Variants in SAMD14 observed in about 807,000 individuals in gnomAD.
The protein encoded by SAMD14 is sterile alpha motif domain-containing protein 14.
Under a neutral mutation model 46.2 loss-of-function variants are expected in SAMD14, and 27 were observed. The ratio of observed to expected loss-of-function variants is 0.58; its 90% CI spans 0.43 to 0.81. The LOEUF is 0.81. Ranked by LOEUF, SAMD14 falls within the 30% of genes least tolerant of loss-of-function variation. The probability of loss-of-function intolerance (pLI) is 0.00; values close to 1 mark genes in which losing one functional copy is unlikely to be tolerated. For synonymous variants in SAMD14, 241 were observed against 254.3 expected, an observed-to-expected ratio of 0.95 and a Z score of 0.50; for missense variants, 559 against 582.2, an observed-to-expected ratio of 0.96 and a Z score of 0.41.
intron 4 of SAMD14, among the ~76,000 whole-genome samples, chr17:50,116,825 C>G (rs1235348298): frequency 6.6e-6 from 1 of 152,158 alleles, no homozygotes; most frequent in East Asian, 1.9e-4. Flanking sequence ...GCACACATTT[C>G]CCAAATAGCA....
At position 50,114,094 on chromosome 17, in the gene SAMD14, A is replaced by G; in HGVS notation, c.943-15T>C. On this transcript the variant is annotated splice_polypyrimidine_tract_variant and intron_variant, in intron 8 of 9. Transcript: ENST00000330175. ...TCATCCAGGAACTGGGCAGAGACCA[A>G]GGAGAGTGAGGGGGAGGCTTGGCCT... 1 of 1,613,750 alleles carries G rather than the reference A, an allele frequency of 6.2e-7. No individual in the cohort carries two copies. The highest frequency in any genetic ancestry group is 8.5e-7 in the Non-Finnish European group (1 of 1,180,008).
At chr17:50,116,854 T>C (rs989934707) in intron 4 of SAMD14, among the ~76,000 whole-genome samples, 12 of 152,154 alleles carry the variant, frequency 7.9e-5, no homozygotes, top group Non-Finnish European at 1.8e-4. Context: ...AGTTTATAAC[T>C]AGACATTTAG....
chr17:50,128,482 T>TCTCTCA (rs550871572), intron 1 of SAMD14, among the ~76,000 whole-genome samples: 119 of 135,898 alleles, frequency 8.8e-4, no homozygotes, highest in African/African-American at 2.8e-3. Context: ...GCACACTCTC[T>TCTCTCA]CACACACACA....
intron 2 of SAMD14, among the ~76,000 whole-genome samples, chr17:50,122,034 G>A (rs953282045): frequency 2.0e-5 from 3 of 152,204 alleles, no homozygotes; most frequent in South Asian, 2.1e-4. Flanking sequence ...TGGTGATGGC[G>A]TCTGTGGGAT....
chr17:50,117,883 A>C, intron 3 of SAMD14, 188 bp from the exon 4 acceptor site: 1 of 671,642 alleles, frequency 1.5e-6, no homozygotes, highest in Middle Eastern at 4.3e-4. Context: ...TGAGTCACAC[A>C]GGCTGGGGCT....
intron 3 of SAMD14, 56 bp from the exon 4 acceptor site, chr17:50,117,751 C>A: frequency 7.3e-7 from 1 of 1,378,594 alleles, no homozygotes. Context: ...CCCGGAGGAG[C>A]TGGGAGACTT....
In SAMD14 at chr17:50,115,782, G is replaced by T. The variant is rs201091841; in HGVS notation, c.662+48C>A. ...CAGAGGGGAGGACCAGAGCACATGGGGAGCCAGGGGCGGGAGCTGTGGGTG... is the reference window on the plus strand; with the variant it reads ...CAGAGGGGAGGACCAGAGCACATGGTGAGCCAGGGGCGGGAGCTGTGGGTG... On this transcript the variant is annotated intron_variant, in intron 6 of 9. Transcript: ENST00000330175. This position sits in a 1 kb window ranked among gnomAD's most constrained non-coding sequence, Gnocchi z 5.3. The T allele has an allele frequency of 9.9e-6, 16 of 1,613,166 alleles. No individual in the cohort carries two copies. Among genetic ancestry groups the T allele is most frequent in the Admixed American group, 8.3e-5 (5 of 60,024 alleles).
At chr17:50,114,509 T>C (rs991565122) in intron 7 of SAMD14, 3 of 1,480,516 alleles carry the variant, frequency 2.0e-6, no homozygotes, top group South Asian at 1.2e-5. Flanking sequence ...CAGGCAGCCA[T>C]CTGGAGGACA....
rs1226203200 is a variant in SAMD14 at position 50,115,713 on chromosome 17, C to T, written c.673G>A (p.Glu225Lys). ...GAGCCCCCTGACCTGCCGGACCCCT[C>T]CACTGACTCCCTGCAGAGAGAGTGT... ...RLSMGSRESV[E>K]GSGRSGGSPF... Residue 225 changes from glutamate to lysine, a missense_variant, in exon 7 of 10, where the codon GAG (glutamate) becomes AAG (lysine). Coordinates refer to ENST00000330175, the MANE Select transcript of SAMD14 (RefSeq NM_001257359.2). The surrounding 1 kb of genome is among the most constrained non-coding windows in gnomAD (Gnocchi z 5.3). 2.5e-6 allele frequency: 4 copies of T among 1,605,778 alleles called. No individual in the cohort carries two copies. Among genetic ancestry groups the T allele is most frequent in the Middle Eastern group, 1.6e-4 (1 of 6,064 alleles).
intron 2 of SAMD14, 146 bp downstream of exon 2, chr17:50,124,771 G>GCGCGCGCACACACACACA (rs71353620): frequency 5.6e-5 from 32 of 569,590 alleles, no homozygotes; most frequent in South Asian, 1.1e-4. Context: ...ACGCGCGCGC[G>GCGCGCGCACACACACACA]CACACACACA....
At position 50,114,195 on chromosome 17, in the gene SAMD14, A is replaced by G; in HGVS notation, c.934T>C (p.Ser312Pro). The change falls in exon 8 of 10, where the codon TCA becomes CCA. Residue 312 changes from serine (S) to proline (P), a missense_variant. By Grantham distance (74) the Ser-to-Pro change is moderately conservative (BLOSUM62 -1). Transcript: ENST00000330175. Reference protein sequence around the residue: ...SYPYHTLSQSSDEFLDEPLPP... With the variant: ...SYPYHTLSQSPDEFLDEPLPP... ...GGGCCAGCCTTGCTCACCTCATCTGAAGACTGAGACAGCGTGTGGTAGGGG... is the reference window on the plus strand; with the variant it reads ...GGGCCAGCCTTGCTCACCTCATCTGGAGACTGAGACAGCGTGTGGTAGGGG... The G allele has an allele frequency of 6.2e-7, 1 of 1,614,134 alleles. No individual in the cohort carries two copies. The highest frequency in any genetic ancestry group is 8.5e-7 in the Non-Finnish European group (1 of 1,180,024).
Position 50,115,958 on chromosome 17 carries a change from C to T in SAMD14, c.587+45G>A, listed in dbSNP as rs973331082. 6.2e-7 allele frequency: 1 copy of T among 1,613,448 alleles called. No homozygotes were observed. ...GGGCTGCCCACTGTGCTACCCCTTA[C>T]CCCAGCAGCTCCAAGCCCTGCGATC... On this transcript the variant is annotated intron_variant, in intron 5 of 9. Transcript: ENST00000330175. This position sits in a 1 kb window ranked among gnomAD's most constrained non-coding sequence, Gnocchi z 5.3.
Position 50,112,707 on chromosome 17 carries a change from G to A in SAMD14, c.*186C>T. Reference sequence around the variant, plus strand: ...GGATTTATTACTAGGCCCTCTCCCTGGGGTCTCCCTTTCTGGGGTCTCTGG... The same window carrying A: ...GGATTTATTACTAGGCCCTCTCCCTAGGGTCTCCCTTTCTGGGGTCTCTGG... On this transcript the variant is annotated 3_prime_UTR_variant, in exon 10 of 10. Coordinates refer to ENST00000330175, the MANE Select transcript of SAMD14 (RefSeq NM_001257359.2). The A allele has an allele frequency of 3.2e-6, 2 of 623,896 alleles. No homozygotes were observed. Among genetic ancestry groups the A allele is most frequent in the Non-Finnish European group, 5.4e-6 (2 of 372,876 alleles). 38.6% of individuals were successfully genotyped at this position (623,896 alleles called of 1,614,324 possible).
In SAMD14 at chr17:50,117,636, C is replaced by T. The variant is rs1198308966; in HGVS notation, c.270G>A (p.Pro90=). 4 of 1,560,638 alleles carry T rather than the reference C, an allele frequency of 2.6e-6. No individual in the cohort carries two copies. Among genetic ancestry groups the T allele is most frequent in the South Asian group, 1.2e-5 (1 of 85,602 alleles). The change falls in exon 4 of 10, where the codon CCG becomes CCA. Residue 90 remains proline (P), a synonymous_variant. Transcript: ENST00000330175. ...HRLRSPLHSG[P]GSPAGGSFCL... is the part of the protein sequence containing the mutation. Reference sequence around the variant, plus strand: ...AGAAAGAGCCCCCGGCCGGGGACCCCGGGCCTGAGTGCAAAGGCGAGCGCA... The same window carrying T: ...AGAAAGAGCCCCCGGCCGGGGACCCTGGGCCTGAGTGCAAAGGCGAGCGCA...
intron 9 of SAMD14, chr17:50,113,699 A>G: frequency 1.7e-6 from 1 of 574,838 alleles, no homozygotes. Flanking sequence ...CACTGAAGTC[A>G]TGGACTAGAG....
At chr17:50,128,515 C>G (rs867418705) in intron 1 of SAMD14, among the ~76,000 whole-genome samples, 1 of 135,772 alleles carries the variant, frequency 7.4e-6, no homozygotes, top group Admixed American at 7.0e-5. Context: ...CACACACACC[C>G]CCATTCAGCC....
At chr17:50,113,248 A>T (rs1910966975) in intron 9 of SAMD14, 200 bp from the exon 10 acceptor site, 1 of 604,706 alleles carries the variant, frequency 1.7e-6, no homozygotes, top group Non-Finnish European at 2.9e-6. Context: ...TGGTTGGGAA[A>T]GATGAGGGTT....
chr17:50,115,830 C>T lies in SAMD14; in HGVS notation c.662G>A (p.Arg221Lys). 6.2e-7 allele frequency: 1 copy of T among 1,612,840 alleles called. No individual in the cohort carries two copies. Among genetic ancestry groups the T allele is most frequent in the Non-Finnish European group, 8.5e-7 (1 of 1,179,920 alleles). Residue 221 changes from arginine (R) to lysine (K), a missense_variant and splice_region_variant, in exon 6 of 10, where the codon AGG becomes AAG. Arg to Lys is a conservative substitution (Grantham distance 26). Coordinates refer to ENST00000330175, the MANE Select transcript of SAMD14 (RefSeq NM_001257359.2). This position sits in a 1 kb window ranked among gnomAD's most constrained non-coding sequence, Gnocchi z 5.3. ...KGSNRLSMGS[R>K]ESVEGSGRSG... Reference sequence around the variant, plus strand: ...GTGGGCCGCCATGGGCACCTCTCACCTGCTGCCCATGGACAGTCGGTTGCT... The same window carrying T: ...GTGGGCCGCCATGGGCACCTCTCACTTGCTGCCCATGGACAGTCGGTTGCT...
In SAMD14 at chr17:50,110,102, C is replaced by G. The variant is rs781556679; in HGVS notation, c.*2791G>C. 6.3e-7 allele frequency: 1 copy of G among 1,594,790 alleles called. No homozygotes were observed. Among genetic ancestry groups the G allele is most frequent in the Non-Finnish European group, 8.6e-7 (1 of 1,168,676 alleles). On this transcript the variant is annotated 3_prime_UTR_variant, in exon 10 of 10. Transcript: ENST00000330175. ...TCCACGTACCGCGTCAGCTAAGGGC[C>G]GCCGTGCATCTGCACCTGAGAGGAC...
Sources: gnomAD v4.1 joint callset for allele counts (sites outside exome capture counted in the v4.1 genomes callset) on GRCh38, gnomAD v4.1.1 for gene constraint, Gnocchi (gnomAD v3.1) non-coding constraint, MANE v1.5 for transcripts, NCBI Gene and HGNC (gene_info 2026-07-23, HGNC 2026-07-21) for gene names.